DDAH1: variants seen among roughly 807,000 people sequenced by gnomAD.
DDAH1 encodes N(G),N(G)-dimethylarginine dimethylaminohydrolase 1.
In DDAH1, 19 loss-of-function variants were observed where a neutral mutation model predicts 28.8. The ratio of observed to expected loss-of-function variants is 0.66; its 90% CI spans 0.46 to 0.97. The LOEUF (loss-of-function observed/expected upper bound fraction) is 0.97, where lower values mean the gene tolerates loss of function less well. Among genes scored for constraint, DDAH1 ranks in the 50% least tolerant of loss-of-function variants. The pLI is 0.00. For missense variants in DDAH1, 326 were observed against 375.9 expected (o/e 0.87, Z 1.10); for synonymous variants, 153 against 154.4 (o/e 0.99, Z 0.07).
In DDAH1 at chr1:85,464,693, G is replaced by A; in HGVS notation, c.303+50C>T. On this transcript the variant is annotated intron_variant, in intron 1 of 5. Transcript: ENST00000284031. This position sits in a 1 kb window ranked among gnomAD's most constrained non-coding sequence, Gnocchi z 4.4. ...CCAGGCAACACGGCGGCCGGCGGCG[G>A]GGGAGGGCCTGGCGCGCGCCCCGGC... 3 of 1,432,906 alleles carry A rather than the reference G, an allele frequency of 2.1e-6. No individual in the cohort carries two copies. The highest frequency in any genetic ancestry group is 2.7e-6 in the Non-Finnish European group (3 of 1,100,048). The allele number at this position is 1,432,906 out of a possible 1,614,324, so 88.8% of individuals were successfully genotyped here. A position where few individuals can be genotyped will look rare whatever the true frequency, so the allele number is the denominator to read the frequency against.
chr1:85,517,067 G>A (rs1292556664), intron 1 of DDAH1, among the ~76,000 whole-genome samples: 6 of 151,782 alleles, frequency 4.0e-5, no homozygotes, highest in African/African-American at 1.2e-4. Flanking sequence ...CAGTGAAATC[G>A]GGATAACAGA....
intron 1 of DDAH1, among the ~76,000 whole-genome samples, chr1:85,558,833 T>C (rs565926847): frequency 2.0e-5 from 3 of 152,300 alleles, no homozygotes; most frequent in Non-Finnish European, 2.9e-5. Flanking sequence ...TTGATGTACA[T>C]AGAATTTTTT....
intron 1 of DDAH1, among the ~76,000 whole-genome samples, chr1:85,526,138 A>T (rs1317260425): frequency 6.6e-6 from 1 of 152,222 alleles, no homozygotes; most frequent in Non-Finnish European, 1.5e-5. Flanking sequence ...TGGAAATGTA[A>T]GTGTCCTGTA....
chr1:85,578,014 C>A lies in DDAH1; in HGVS notation c.-153G>T, dbSNP rs72944640. Reference sequence around the variant, plus strand: ...AACATTTGCACATTTCGCCTCCTGTCCGTCAACTTGGACTGATCTGCGGCT... The same window carrying A: ...AACATTTGCACATTTCGCCTCCTGTACGTCAACTTGGACTGATCTGCGGCT... On this transcript the variant is annotated 5_prime_UTR_variant, in exon 1 of 7. Coordinates refer to the DDAH1 transcript ENST00000426972. The A allele has an allele frequency of 2.6e-3, 2,591 of 985,478 alleles. 44 individuals carry two copies. In the African/African-American group the frequency reaches 0.042, roughly 16 times the overall value. The allele number at this position is 985,478 out of a possible 1,614,324, so 61.0% of individuals were successfully genotyped here. A position where few individuals can be genotyped will look rare whatever the true frequency, so the allele number is the denominator to read the frequency against.
intron 1 of DDAH1, among the ~76,000 whole-genome samples, chr1:85,556,425 T>C (rs372484820): frequency 9.2e-5 from 14 of 152,160 alleles, no homozygotes; most frequent in East Asian, 1.9e-4. Flanking sequence ...TGTTCCTACA[T>C]GCGGGTGAGA....
chr1:85,423,397 T>G (rs7555670), intron 1 of DDAH1, among the ~76,000 whole-genome samples: 120,905 of 152,090 alleles, frequency 0.79, 48,220 homozygotes, highest in Middle Eastern at 0.87. Flanking sequence ...TCCAATTCAT[T>G]AACAAGGAAC....
chr1:85,349,191 A>G (rs919249948), intron 4 of DDAH1, among the ~76,000 whole-genome samples: 10 of 152,242 alleles, frequency 6.6e-5, no homozygotes, highest in African/African-American at 2.2e-4. Context: ...GTAAACGAAC[A>G]AAAGCCACCA....
intron 1 of DDAH1, among the ~76,000 whole-genome samples, chr1:85,545,686 T>A (rs529992584): frequency 1.3e-5 from 2 of 152,308 alleles, no homozygotes; most frequent in South Asian, 4.1e-4. Context: ...AAATAATTAA[T>A]CTTCTTGTGT....
chr1:85,543,753 AAAAT>A (rs774578382), intron 1 of DDAH1, among the ~76,000 whole-genome samples: 5 of 152,334 alleles, frequency 3.3e-5, no homozygotes, highest in South Asian at 2.1e-4. Context: ...AGTGGGGCTG[AAAAT>A]AAATTCTGAT....
intron 1 of DDAH1, among the ~76,000 whole-genome samples, chr1:85,526,465 C>A (rs1314306945): frequency 6.6e-6 from 1 of 152,192 alleles, no homozygotes; most frequent in East Asian, 1.9e-4. Context: ...ATGACAAACT[C>A]CACTGGTCAG....
At chr1:85,336,743 GT>G (rs950413441) in intron 4 of DDAH1, among the ~76,000 whole-genome samples, 3 of 151,170 alleles carry the variant, frequency 2.0e-5, no homozygotes, top group African/African-American at 2.4e-5. Context: ...GAAACTAAAA[GT>G]TTTTTTTTGA....
At chr1:85,470,605 G>T (rs1655583586) in intron 2 of DDAH1, among the ~76,000 whole-genome samples, 1 of 152,220 alleles carries the variant, frequency 6.6e-6, no homozygotes, top group Admixed American at 6.5e-5. Context: ...TCTGCAATTT[G>T]ACAGTAAGTC....
At chr1:85,428,387 T>C (rs971848426) in intron 1 of DDAH1, among the ~76,000 whole-genome samples, 3 of 152,084 alleles carry the variant, frequency 2.0e-5, no homozygotes, top group Non-Finnish European at 4.4e-5. Flanking sequence ...AGTGTGTGTG[T>C]AGGGGAACTG....
chr1:85,497,173 A>G (rs1656627111), intron 1 of DDAH1, among the ~76,000 whole-genome samples: 1 of 152,232 alleles, frequency 6.6e-6, no homozygotes, highest in Admixed American at 6.5e-5. Context: ...CACAGGCCCA[A>G]TAACCTGATG....
intron 1 of DDAH1, among the ~76,000 whole-genome samples, chr1:85,446,019 C>T (rs901404569): frequency 3.9e-5 from 6 of 152,182 alleles, no homozygotes; most frequent in Admixed American, 2.0e-4. Context: ...ACATCAGGAA[C>T]AGCCAGACAC....
chr1:85,350,033 AATAAT>A (rs776476882), intron 4 of DDAH1, among the ~76,000 whole-genome samples: 12 of 152,378 alleles, frequency 7.9e-5, no homozygotes, highest in Admixed American at 2.0e-4. Context: ...AAAGGATAAG[AATAAT>A]ATAACAAACC....
chr1:85,425,786 T>C (rs1157077920), intron 1 of DDAH1, among the ~76,000 whole-genome samples: 1 of 152,200 alleles, frequency 6.6e-6, no homozygotes, highest in African/African-American at 2.4e-5. Flanking sequence ...TTGAATAAGC[T>C]GTCTGAGTTC....
At chr1:85,389,441 C>A (rs531086151) in intron 1 of DDAH1, among the ~76,000 whole-genome samples, 2 of 152,010 alleles carry the variant, frequency 1.3e-5, no homozygotes, top group Non-Finnish European at 2.9e-5. Context: ...CTCAGAATAC[C>A]AACTCTGTGC....
chr1:85,397,586 T>C (rs756323652), intron 1 of DDAH1, among the ~76,000 whole-genome samples: 6 of 152,232 alleles, frequency 3.9e-5, no homozygotes, highest in African/African-American at 9.6e-5. Flanking sequence ...GAGTACACTT[T>C]TATAAACAAA....
Sources: gnomAD v4.1 joint callset for allele counts (sites outside exome capture counted in the v4.1 genomes callset) on GRCh38, gnomAD v4.1.1 for gene constraint, Gnocchi (gnomAD v3.1) non-coding constraint, MANE v1.5 for transcripts, NCBI Gene and HGNC (gene_info 2026-07-23, HGNC 2026-07-21) for gene names.